RGL1: variants seen among roughly 807,000 people sequenced by gnomAD.
RGL1 encodes the protein ral guanine nucleotide dissociation stimulator-like 1.
In RGL1, 24 loss-of-function variants were observed where a neutral mutation model predicts 95.2. The observed-to-expected ratio is 0.25, with a 90% confidence interval of 0.18 to 0.35. RGL1 has a LOEUF of 0.35. Ranked by LOEUF, RGL1 falls within the 10% of genes least tolerant of loss-of-function variation. The pLI, the probability that RGL1 is intolerant of heterozygous loss-of-function variation, is 1.00. For missense variants in RGL1, 715 were observed against 936.3 expected (o/e 0.76, Z 3.08); for synonymous variants, 329 against 344.9 (o/e 0.95, Z 0.51).
chr1:183,839,735 A>G (rs573766374), intron 2 of RGL1, among the ~76,000 whole-genome samples: 30 of 152,282 alleles, frequency 2.0e-4, no homozygotes, highest in African/African-American at 6.7e-4. Context: ...ATAATCAGGT[A>G]GTCTCCTGCT....
chr1:183,647,991 TTTAAGGGGTAGCTCTC>T, intron 1 of RGL1: 1 of 1,614,190 alleles, frequency 6.2e-7, no homozygotes, highest in Non-Finnish European at 8.5e-7. Context: ...AAAGGCATTG[TTTAAGGGGTAGCTCTC>T]TAAAGCCTCC....
chr1:183,710,148 C>G, intron 1 of RGL1: 1 of 208,412 alleles, frequency 4.8e-6, no homozygotes, highest in Non-Finnish European at 9.9e-6. Flanking sequence ...CAATGCCTGG[C>G]TTGTTGCTCA....
At chr1:183,823,088 T>C (rs1012847557) in intron 2 of RGL1, among the ~76,000 whole-genome samples, 87 of 152,208 alleles carry the variant, frequency 5.7e-4, no homozygotes, top group Non-Finnish European at 9.3e-4. Context: ...TTCTTTTTTT[T>C]AACACCACAC....
intron 16 of RGL1, among the ~76,000 whole-genome samples, chr1:183,919,199 T>C (rs1669173197): frequency 6.6e-6 from 1 of 152,214 alleles, no homozygotes; most frequent in African/African-American, 2.4e-5. Flanking sequence ...AAATATCTAT[T>C]TTTTTCCAAA....
intron 1 of RGL1, among the ~76,000 whole-genome samples, chr1:183,726,065 G>T (rs1656295905): frequency 6.6e-6 from 1 of 152,044 alleles, no homozygotes; most frequent in Non-Finnish European, 1.5e-5. Context: ...GTAATTAATG[G>T]TTTAAAGATG....
chr1:183,815,118 A>G (rs1002726244), intron 2 of RGL1, among the ~76,000 whole-genome samples: 4 of 152,112 alleles, frequency 2.6e-5, no homozygotes, highest in African/African-American at 9.7e-5. Context: ...TACTAAACAT[A>G]CAAAAGTTAG....
chr1:183,756,125 A>C (rs10737247), intron 2 of RGL1, among the ~76,000 whole-genome samples: 105,093 of 151,214 alleles, frequency 0.69, 36,868 homozygotes, highest in East Asian at 0.91. Flanking sequence ...CCTCAGGTGA[A>C]CCACCCGTCT....
chr1:183,901,036 C>T (rs1176988833), intron 11 of RGL1, among the ~76,000 whole-genome samples: 2 of 151,464 alleles, frequency 1.3e-5, no homozygotes, highest in Non-Finnish European at 2.9e-5. Context: ...TGTGGTGGCT[C>T]ACGCCTGTAA....
chr1:183,884,538 A>G (rs1417435216), intron 6 of RGL1, among the ~76,000 whole-genome samples, 185 bp from the exon 7 acceptor site: 1 of 152,190 alleles, frequency 6.6e-6, no homozygotes, highest in Non-Finnish European at 1.5e-5. Flanking sequence ...CTTCTAGTGA[A>G]CATTATCGAT....
At chr1:183,762,495 A>T (rs1028269683) in intron 2 of RGL1, among the ~76,000 whole-genome samples, 1 of 152,242 alleles carries the variant, frequency 6.6e-6, no homozygotes, top group African/African-American at 2.4e-5. Context: ...TAGTAATTTA[A>T]AAGTTTGAAA....
intron 4 of RGL1, among the ~76,000 whole-genome samples, chr1:183,870,119 T>C (rs1666078827): frequency 6.6e-6 from 1 of 152,186 alleles, no homozygotes; most frequent in Non-Finnish European, 1.5e-5. Flanking sequence ...CACACTGTTT[T>C]AATGAGTGCC....
chr1:183,898,890 C>CT (rs1258011306), intron 10 of RGL1, among the ~76,000 whole-genome samples: 1 of 152,184 alleles, frequency 6.6e-6, no homozygotes, highest in East Asian at 1.9e-4. Flanking sequence ...TGGCTTTACC[C>CT]TGTTTGAGGC....
intron 2 of RGL1, among the ~76,000 whole-genome samples, chr1:183,755,608 C>T (rs1414579404): frequency 1.3e-5 from 2 of 151,794 alleles, no homozygotes; most frequent in Non-Finnish European, 2.9e-5. Context: ...CATGGGTGTA[C>T]GTATTTGTCA....
At chr1:183,920,367 TTAAAA>T (rs1669246458) in intron 16 of RGL1, among the ~76,000 whole-genome samples, 3 of 152,364 alleles carry the variant, frequency 2.0e-5, no homozygotes, top group African/African-American at 7.2e-5. Flanking sequence ...TACTAGAAAC[TTAAAA>T]TGAAATATGT....
At chr1:183,856,781 GTGAAAATCTTTGGGTA>G (rs1457352632) in intron 3 of RGL1, among the ~76,000 whole-genome samples, 1 of 151,934 alleles carries the variant, frequency 6.6e-6, no homozygotes, top group African/African-American at 2.4e-5. Context: ...TAAGAAGGGT[GTGAAAATCTTTGGGTA>G]TGAAAATGGT....
intron 2 of RGL1, among the ~76,000 whole-genome samples, chr1:183,827,791 T>C (rs1662975318): frequency 1.3e-5 from 2 of 152,260 alleles, no homozygotes; most frequent in South Asian, 4.1e-4. Context: ...AATATAAGTT[T>C]TTAAACTTTA....
At chr1:183,905,960 A>G (rs1668296086) in intron 13 of RGL1, among the ~76,000 whole-genome samples, 2 of 152,240 alleles carry the variant, frequency 1.3e-5, no homozygotes. Flanking sequence ...GACAGAGTTG[A>G]GTAGTTGCAA....
chr1:183,805,365 G>C, intron 1 of RGL1, 41 bp downstream of exon 1: 1 of 1,564,860 alleles, frequency 6.4e-7, no homozygotes, highest in Non-Finnish European at 8.8e-7. Context: ...CTTCTCTGGT[G>C]GGGAATCTTC....
chr1:183,722,908 G>T (rs1227275004), intron 1 of RGL1, among the ~76,000 whole-genome samples: 2 of 152,098 alleles, frequency 1.3e-5, no homozygotes, highest in Non-Finnish European at 2.9e-5. Context: ...ATAAATATGT[G>T]GGTAAACTAA....
Sources: allele counts gnomAD v4.1 joint callset (sites outside exome capture counted in the v4.1 genomes callset), GRCh38; gene constraint gnomAD v4.1.1; transcripts MANE v1.5; gene names NCBI Gene and HGNC (gene_info 2026-07-23, HGNC 2026-07-21).